Variants in EHD3 observed in about 807,000 individuals in gnomAD.
EHD3 encodes EH domain containing 3, also known as EH domain-containing protein 3.
Under a neutral mutation model 43.0 loss-of-function variants are expected in EHD3, and 17 were observed. That is an observed-to-expected ratio of 0.40 (90% confidence interval 0.27 to 0.59). The LOEUF (loss-of-function observed/expected upper bound fraction) is 0.59. Ranked by LOEUF, EHD3 falls within the 20% of genes least tolerant of loss-of-function variation. EHD3 has a pLI of 0.49. For synonymous variants in EHD3, 313 were observed against 289.5 expected (o/e 1.08, Z -0.82); for missense variants, 594 against 705.6 (o/e 0.84, Z 1.79).
intron 2 of EHD3, among the ~76,000 whole-genome samples, chr2:31,244,818 G>A (rs537040943): frequency 2.6e-5 from 4 of 152,162 alleles, no homozygotes; most frequent in South Asian, 2.1e-4. Context: ...GGAGGCAGAC[G>A]AAGGTTCTTT....
chr2:31,234,335 T>G lies in EHD3; in HGVS notation c.-287T>G. The G allele has an allele frequency of 2.3e-6, 1 of 426,840 alleles. No homozygotes were observed. The highest frequency in any genetic ancestry group is 4.3e-6 in the Non-Finnish European group (1 of 232,576). The allele number at this position is 426,840 out of a possible 1,614,324, so 26.4% of individuals were successfully genotyped here. ...GGCATCTGGCAGTTTCCTTGCAGGT[T>G]CAACTTTAATTGCCAAGATTTCACC... On this transcript the variant is annotated 5_prime_UTR_variant, in exon 1 of 6. Coordinates refer to ENST00000322054, the MANE Select transcript of EHD3 (RefSeq NM_014600.3).
chr2:31,253,478 CCCA>C (rs1054673610), intron 3 of EHD3, among the ~76,000 whole-genome samples: 1 of 152,206 alleles, frequency 6.6e-6, no homozygotes, highest in African/African-American at 2.4e-5. Flanking sequence ...TGAAACTCAG[CCCA>C]CCTTCTGCTC....
At chr2:31,253,441 A>C (rs951213312) in intron 3 of EHD3, among the ~76,000 whole-genome samples, 1 of 152,020 alleles carries the variant, frequency 6.6e-6, no homozygotes, top group African/African-American at 2.4e-5. Context: ...CCTGCCAACT[A>C]TGTCCTACAC....
In EHD3 at chr2:31,261,728, G is replaced by T. The variant is rs553895440; in HGVS notation, c.1080+15G>T. The T allele has an allele frequency of 2.2e-5, 35 of 1,613,272 alleles. No homozygotes were observed. The African/African-American group carries it at 3.7e-4, about 17-fold the overall frequency. The stretch of plus-strand genomic sequence containing the variant: ...AGAGGATGCAGGTAGCGAGGGCTGG[G>T]GTCTCTAAGACAAGGGACAGTGTCC... On this transcript the variant is annotated intron_variant, in intron 5 of 5. Coordinates refer to ENST00000322054, the MANE Select transcript of EHD3 (RefSeq NM_014600.3).
At position 31,266,251 on chromosome 2, in the gene EHD3, G is replaced by A; in HGVS notation, c.1155G>A (p.Met385Ile). The A allele has an allele frequency of 6.2e-7, 1 of 1,614,224 alleles. No individual in the cohort carries two copies. Among genetic ancestry groups the A allele is most frequent in the African/African-American group, 1.3e-5 (1 of 75,066 alleles). Residue 385 changes from methionine to isoleucine, a missense_variant, in exon 6 of 6, where the codon ATG (methionine) becomes ATA (isoleucine). Met to Ile is a conservative substitution (Grantham distance 10). Coordinates refer to ENST00000322054, the MANE Select transcript of EHD3 (RefSeq NM_014600.3). This position sits in a 1 kb window ranked among gnomAD's most constrained non-coding sequence, Gnocchi z 5.1. ...KSKLLEVVDD[M>I]LAHDIAQLMV... ...AGCTGCTGGAGGTAGTGGACGACAT[G>A]CTGGCCCATGACATTGCCCAGCTCA... is the stretch of plus-strand genomic sequence containing the variant.
chr2:31,254,148 A>T (rs1417581400), intron 3 of EHD3, among the ~76,000 whole-genome samples: 2 of 152,072 alleles, frequency 1.3e-5, no homozygotes, highest in African/African-American at 2.4e-5. Flanking sequence ...ACATCTAGGG[A>T]ACTCGGGTCT....
chr2:31,248,007 T>A (rs1683558703), intron 2 of EHD3, among the ~76,000 whole-genome samples: 1 of 152,204 alleles, frequency 6.6e-6, no homozygotes, highest in African/African-American at 2.4e-5. Flanking sequence ...ATGTTTAGGT[T>A]GGCTGGGAGT....
At chr2:31,248,332 TCCTCCAGGAAGCCCTCCCTCTG>T (rs1174919235) in intron 2 of EHD3, among the ~76,000 whole-genome samples, 1 of 152,178 alleles carries the variant, frequency 6.6e-6, no homozygotes, top group Non-Finnish European at 1.5e-5. Context: ...CAGTGCCTCC[TCCTCCAGGAAGCCCTCCCTCTG>T]CCTCCAGGAA....
chr2:31,245,977 C>T lies in EHD3; in HGVS notation c.404+1527C>T, dbSNP rs954080286. 3.4e-4 allele frequency among the ~76,000 whole-genome samples: 52 copies of T among 152,068 alleles called. 1 individual carries two copies. Among genetic ancestry groups the T allele is most frequent in the African/African-American group, 1.2e-3 (49 of 41,464 alleles). On this transcript the variant is annotated intron_variant, in intron 2 of 5. Coordinates refer to ENST00000322054, the MANE Select transcript of EHD3 (RefSeq NM_014600.3). Reference sequence around the variant, plus strand: ...GTCTAAGACAGGGACAGGGAGACCACGACATGAATGAAATGTGGAACTGTG... The same window carrying T: ...GTCTAAGACAGGGACAGGGAGACCATGACATGAATGAAATGTGGAACTGTG...
At chr2:31,254,724 C>G (rs1041522981) in intron 3 of EHD3, among the ~76,000 whole-genome samples, 1 of 152,134 alleles carries the variant, frequency 6.6e-6, no homozygotes, top group Non-Finnish European at 1.5e-5. Context: ...TGGCTGTGAG[C>G]TGTTATAGAA....
intron 3 of EHD3, among the ~76,000 whole-genome samples, chr2:31,256,028 A>G (rs1683746197): frequency 6.6e-6 from 1 of 152,126 alleles, no homozygotes; most frequent in Admixed American, 6.5e-5. Context: ...TTGTGAACCG[A>G]GAAAGGAAGC....
intron 2 of EHD3, among the ~76,000 whole-genome samples, chr2:31,246,616 T>C (rs560642811): frequency 1.2e-4 from 19 of 152,294 alleles, no homozygotes; most frequent in Admixed American, 2.6e-4. Context: ...ATTTAAGTGA[T>C]TGCCATCATA....
chr2:31,266,565 T>C lies in EHD3; in HGVS notation c.1469T>C (p.Ile490Thr), dbSNP rs182810757. ...VLGKIWKLAD[I>T]DKDGMLDDDE... ...GGCAAGATCTGGAAGCTGGCCGACATTGACAAGGATGGCATGCTGGACGAC... is the reference window on the plus strand; with the variant it reads ...GGCAAGATCTGGAAGCTGGCCGACACTGACAAGGATGGCATGCTGGACGAC... Residue 490 changes from isoleucine to threonine, a missense_variant, in exon 6 of 6, where the codon ATT (isoleucine) becomes ACT (threonine). Coordinates refer to ENST00000322054, the MANE Select transcript of EHD3 (RefSeq NM_014600.3). This position sits in a 1 kb window ranked among gnomAD's most constrained non-coding sequence, Gnocchi z 5.1. 39 of 1,614,046 alleles carry C rather than the reference T, an allele frequency of 2.4e-5. No homozygotes were observed. In the African/African-American group the frequency reaches 4.4e-4, roughly 18 times the overall value.
At chr2:31,250,268 CT>C (rs34290931) in intron 3 of EHD3, among the ~76,000 whole-genome samples, 56,917 of 125,706 alleles carry the variant, frequency 0.45, 12,063 homozygotes, top group East Asian at 0.73. Context: ...TCGTTGTTTT[CT>C]TTTTTTTTTT....
At chr2:31,243,532 C>T (rs1019996258) in intron 1 of EHD3, among the ~76,000 whole-genome samples, 2 of 139,014 alleles carry the variant, frequency 1.4e-5, no homozygotes, top group African/African-American at 2.7e-5. Flanking sequence ...TCTTGGCTCA[C>T]TGCGACCTCT....
In EHD3 at chr2:31,266,859, C is replaced by T; in HGVS notation, c.*155C>T. 1 of 1,033,738 alleles carries T rather than the reference C, an allele frequency of 9.7e-7. No individual in the cohort carries two copies. The highest frequency in any genetic ancestry group is 1.8e-5 in the South Asian group (1 of 54,902). The allele number at this position is 1,033,738 out of a possible 1,614,324, so 64.0% of individuals were successfully genotyped here. On this transcript the variant is annotated 3_prime_UTR_variant, in exon 6 of 6. Coordinates refer to ENST00000322054, the MANE Select transcript of EHD3 (RefSeq NM_014600.3). This position sits in a 1 kb window ranked among gnomAD's most constrained non-coding sequence, Gnocchi z 5.1. The stretch of plus-strand genomic sequence containing the variant: ...GTAGGTGAGAGAGGACCATGACGCC[C>T]ATGTTTGCAGCTGATACTTGTTTGG...
chr2:31,264,533 CTTT>C (rs35446028), intron 5 of EHD3, among the ~76,000 whole-genome samples: 1 of 114,138 alleles, frequency 8.8e-6, no homozygotes, highest in Non-Finnish European at 1.7e-5. Flanking sequence ...ACTTTACAGA[CTTT>C]TTTTTTTTTT....
chr2:31,259,487 G>A (rs571643439), intron 3 of EHD3, among the ~76,000 whole-genome samples: 1 of 152,148 alleles, frequency 6.6e-6, no homozygotes, highest in African/African-American at 2.4e-5. Context: ...ACTTGGGATT[G>A]AGCAGAACAA....
chr2:31,263,979 T>G (rs749661779), intron 5 of EHD3, among the ~76,000 whole-genome samples: 3 of 152,204 alleles, frequency 2.0e-5, no homozygotes, highest in Non-Finnish European at 4.4e-5. Flanking sequence ...CAAGAGGAGC[T>G]CTTTCAAAAT....
Sources: allele counts gnomAD v4.1 joint callset (sites outside exome capture counted in the v4.1 genomes callset), GRCh38; gene constraint gnomAD v4.1.1; non-coding constraint Gnocchi (gnomAD v3.1); transcripts MANE v1.5; gene names NCBI Gene and HGNC (gene_info 2026-07-23, HGNC 2026-07-21).